Variants in DRC7 observed in about 807,000 individuals in gnomAD.
DRC7 encodes the protein coiled-coil domain containing 135.
Under a neutral mutation model 104.4 loss-of-function variants are expected in DRC7, and 80 were observed. The ratio of observed to expected loss-of-function variants is 0.77; its 90% CI spans 0.64 to 0.92. The LOEUF is 0.92. Ranked by LOEUF, DRC7 falls within the 40% of genes least tolerant of loss-of-function variation. The pLI, the probability that DRC7 is intolerant of heterozygous loss-of-function variation, is 0.00. For missense variants in DRC7, 1,034 were observed against 1,141.1 expected, an observed-to-expected ratio of 0.91 and a Z score of 1.35; for synonymous variants, 405 against 447.3, an observed-to-expected ratio of 0.91 and a Z score of 1.19.
chr16:57,731,430 TAA>T lies in DRC7; in HGVS notation c.*174_*175del, dbSNP rs2049061155. ...GTTCCTGCTTCTCATGATTTTCCTG[TAA>T]ATAAACACACTCTTAATTTGCCATT... is the stretch of plus-strand genomic sequence containing the variant. On this transcript the variant is annotated 3_prime_UTR_variant, in exon 19 of 19. Coordinates refer to ENST00000360716, the MANE Select transcript of DRC7 (RefSeq NM_001289162.2). 1.8e-5 allele frequency: 11 copies of T among 603,666 alleles called. No homozygotes were observed. The highest frequency in any genetic ancestry group is 2.6e-5 in the Non-Finnish European group (9 of 340,530). The allele number at this position is 603,666 out of a possible 1,614,324, so 37.4% of individuals were successfully genotyped here. A position where few individuals can be genotyped will look rare whatever the true frequency, so the allele number is the denominator to read the frequency against.
intron 7 of DRC7, 83 bp downstream of exon 7, chr16:57,705,117 G>A (rs1238594593): frequency 4.1e-6 from 6 of 1,465,180 alleles, no homozygotes; most frequent in Non-Finnish European, 5.5e-6. Context: ...AGGTCATGGA[G>A]GGGATGTGTG....
At chr16:57,706,619 C>G (rs2030649448) in intron 7 of DRC7, among the ~76,000 whole-genome samples, 1 of 117,356 alleles carries the variant, frequency 8.5e-6, no homozygotes, top group East Asian at 2.7e-4. Flanking sequence ...CCCACCCCCC[C>G]ATCCGTCCAT....
At chr16:57,724,520 C>G (rs2048940957) in intron 12 of DRC7, 95 bp from the exon 13 acceptor site, 1 of 810,374 alleles carries the variant, frequency 1.2e-6, no homozygotes, top group Admixed American at 2.5e-5. Context: ...GTGGGTCTGT[C>G]TTCTCCCTGG....
At chr16:57,699,331 T>C (rs2148730077) in intron 4 of DRC7, among the ~76,000 whole-genome samples, 1 of 152,278 alleles carries the variant, frequency 6.6e-6, no homozygotes, top group South Asian at 2.1e-4. Flanking sequence ...TCGGGATTTG[T>C]GTGGGAGTCT....
intron 1 of DRC7, 91 bp from the exon 2 acceptor site, chr16:57,696,373 C>T (rs1416108327): frequency 6.6e-6 from 1 of 152,188 alleles, no homozygotes; most frequent in African/African-American, 2.4e-5. Flanking sequence ...CCTTGGCTGC[C>T]CCACCTCCCA....
chr16:57,731,067 A>G lies in DRC7; in HGVS notation c.2528A>G (p.Asn843Ser). ...ATCCGCATCCTGGAGCAGCGCCTCA[A>G]TCGGTGAGCAGGCAGGGCAGGTGGA... ...FRIRILEQRL[N>S]RHKELAPLKY... Residue 843 changes from asparagine to serine, a missense_variant, in exon 18 of 19, where the codon AAT becomes AGT. Physicochemically the swap from Asn to Ser is conservative, Grantham distance 46 (BLOSUM62 1). Transcript: ENST00000360716. 4 of 1,613,752 alleles carry G rather than the reference A, an allele frequency of 2.5e-6. No individual in the cohort carries two copies. Among genetic ancestry groups the G allele is most frequent in the East Asian group, 2.2e-5 (1 of 44,884 alleles).
intron 13 of DRC7, 128 bp downstream of exon 13, chr16:57,724,963 T>C: frequency 3.0e-6 from 2 of 662,288 alleles, no homozygotes; most frequent in South Asian, 3.6e-5. Flanking sequence ...GCACCAATGA[T>C]GAACCAAGCA....
chr16:57,710,141 T>A (rs2048778386), intron 8 of DRC7, among the ~76,000 whole-genome samples: 1 of 152,208 alleles, frequency 6.6e-6, no homozygotes, highest in Non-Finnish European at 1.5e-5. Flanking sequence ...CAATATTGAA[T>A]TTTTCACCCA....
intron 12 of DRC7, 82 bp downstream of exon 12, chr16:57,723,212 C>T: frequency 2.0e-6 from 3 of 1,505,682 alleles, no homozygotes; most frequent in Non-Finnish European, 2.7e-6. Flanking sequence ...TATGTGGTGG[C>T]AGGAACCAGC....
rs962671135 is a variant in DRC7 at position 57,730,548 on chromosome 16, G to A, written c.2392-383G>A. ...GTCAGGCACACACCATGTAGTTCCC[G>A]TGCACTACTAAGATTATGTCACTTA... On this transcript the variant is annotated intron_variant, in intron 17 of 18. Coordinates refer to ENST00000360716, the MANE Select transcript of DRC7 (RefSeq NM_001289162.2). Among the ~76,000 whole-genome samples the A allele has an allele frequency of 5.9e-5, 9 of 151,998 alleles. 1 individual carries two copies. The South Asian group carries it at 6.2e-4, about 10-fold the overall frequency.
Position 57,727,335 on chromosome 16 carries a change from G to C in DRC7, c.2122G>C (p.Ala708Pro). 1 of 1,613,426 alleles carries C rather than the reference G, an allele frequency of 6.2e-7. No individual in the cohort carries two copies. Among genetic ancestry groups the C allele is most frequent in the Non-Finnish European group, 8.5e-7 (1 of 1,179,902 alleles). ...EILKLREEEE[A>P]AHTLTISIYD... ...TCTGAAGCTTCGAGAGGAAGAGGAGGCGGCGCACACACTGACCATCTCCAT... is the reference window on the plus strand; with the variant it reads ...TCTGAAGCTTCGAGAGGAAGAGGAGCCGGCGCACACACTGACCATCTCCAT... Residue 708 changes from alanine (A) to proline (P), a missense_variant, in exon 16 of 19, where the codon GCG (alanine) becomes CCG (proline). By Grantham distance (27) the Ala-to-Pro change is conservative. Transcript: ENST00000360716.
At chr16:57,728,322 G>A in intron 16 of DRC7, 68 bp from the exon 17 acceptor site, 1 of 1,427,352 alleles carries the variant, frequency 7.0e-7, no homozygotes, top group South Asian at 1.4e-5. Flanking sequence ...GCACACTGCT[G>A]ATGCAGAGCT....
At chr16:57,715,727 C>T (rs1005713086) in intron 8 of DRC7, among the ~76,000 whole-genome samples, 7 of 152,154 alleles carry the variant, frequency 4.6e-5, no homozygotes, top group Admixed American at 2.0e-4. Flanking sequence ...GGGGCAGAGC[C>T]GACACTGCCC....
chr16:57,699,088 A>T, intron 4 of DRC7, 64 bp downstream of exon 4: 1 of 1,562,116 alleles, frequency 6.4e-7, no homozygotes, highest in Non-Finnish European at 8.7e-7. Context: ...GGGCACAGGG[A>T]AGTGGGGCAG....
chr16:57,731,181 C>T lies in DRC7; in HGVS notation c.2548C>T (p.Pro850Ser). 6.2e-7 allele frequency: 1 copy of T among 1,613,908 alleles called. No homozygotes were observed. The highest frequency in any genetic ancestry group is 8.5e-7 in the Non-Finnish European group (1 of 1,179,982). The change falls in exon 19 of 19, where the codon CCA becomes TCA. Residue 850 changes from proline to serine, a missense_variant. By Grantham distance (74) the Pro-to-Ser change is moderately conservative. Transcript: ENST00000360716. The part of the protein sequence containing the change: ...QRLNRHKELA[P>S]LKYLALEEKL... ...TGACTTCAGACACAAGGAACTGGCC[C>T]CACTGAAGTACCTGGCTCTGGAGGA...
chr16:57,704,069 C>G (rs1597795753), intron 6 of DRC7, among the ~76,000 whole-genome samples: 1 of 150,170 alleles, frequency 6.7e-6, no homozygotes, highest in Non-Finnish European at 1.5e-5. Flanking sequence ...CAATAACAAA[C>G]AGATGCAGAG....
At position 57,731,342 on chromosome 16, in the gene DRC7, C is replaced by T; in HGVS notation, c.*84C>T. On this transcript the variant is annotated 3_prime_UTR_variant, in exon 19 of 19. Coordinates refer to ENST00000360716, the MANE Select transcript of DRC7 (RefSeq NM_001289162.2). ...TGGCTCCTGTGTTCCCTCTATCCAG[C>T]CAATGCCTGTTTACACAGACACCTG... 1 of 1,073,148 alleles carries T rather than the reference C, an allele frequency of 9.3e-7. No individual in the cohort carries two copies. The highest frequency in any genetic ancestry group is 1.4e-6 in the Non-Finnish European group (1 of 713,364). The allele number at this position is 1,073,148 out of a possible 1,614,324, so 66.5% of individuals were successfully genotyped here. A position where few individuals can be genotyped will look rare whatever the true frequency, so the allele number is the denominator to read the frequency against.
intron 8 of DRC7, among the ~76,000 whole-genome samples, chr16:57,708,049 T>C (rs543142650): frequency 1.8e-4 from 28 of 152,290 alleles, no homozygotes; most frequent in African/African-American, 6.5e-4. Context: ...AGAAATAGAA[T>C]ATTGCCCAAA....
intron 8 of DRC7, 60 bp from the exon 9 acceptor site, chr16:57,718,287 A>T (rs1389241602): frequency 1.9e-6 from 3 of 1,585,016 alleles, no homozygotes; most frequent in Non-Finnish European, 2.6e-6. Flanking sequence ...CTCCCCATGG[A>T]TCAGGTGGGG....
Sources: gnomAD v4.1 joint callset for allele counts (sites outside exome capture counted in the v4.1 genomes callset) on GRCh38, gnomAD v4.1.1 for gene constraint, MANE v1.5 for transcripts, NCBI Gene and HGNC (gene_info 2026-07-23, HGNC 2026-07-21) for gene names.